WIPF2: variants seen among roughly 807,000 people sequenced by gnomAD.
The protein encoded by WIPF2 is WAS/WASL interacting protein family member 2.
Under a neutral mutation model 38.8 loss-of-function variants are expected in WIPF2, and 23 were observed. The observed-to-expected ratio is 0.59, with a 90% CI of 0.43 to 0.84. WIPF2 has a LOEUF of 0.84. Ranked by LOEUF, WIPF2 falls within the 40% of genes least tolerant of loss-of-function variation. The pLI is 0.00. For synonymous variants in WIPF2, 210 were observed against 223.2 expected (o/e 0.94, Z 0.53); for missense variants, 574 against 580.5 (o/e 0.99, Z 0.11).
rs1567729567 is a variant in WIPF2 at position 40,282,443 on chromosome 17, A to G, written c.*4218A>G. On this transcript the variant is annotated 3_prime_UTR_variant, in exon 8 of 8. Transcript: ENST00000323571. ...ACACTGAATAAATGACTAGAATGAC[A>G]CGTGTGCGTGCGCACGCGTGTGCGT... The G allele has an allele frequency of 6.6e-6, 1 of 152,060 alleles. No homozygotes were observed. The highest frequency in any genetic ancestry group is 1.9e-4 in the East Asian group (1 of 5,200). 9.4% of individuals were successfully genotyped at this position (152,060 alleles called of 1,614,324 possible).
chr17:40,264,588 A>G lies in WIPF2; in HGVS notation c.412A>G (p.Thr138Ala). ...CGCCAGCGGGCGTCCTCAGGATGAT[A>G]CAGACAGCAGCCGGGCCTCACTCCC... ...SAASGRPQDD[T>A]DSSRASLPEL... is the part of the protein sequence containing the mutation. Residue 138 changes from threonine to alanine, a missense_variant, in exon 5 of 8, where the codon ACA becomes GCA. Physicochemically the swap from Thr to Ala is moderately conservative, Grantham distance 58. Transcript: ENST00000323571. 2.5e-6 allele frequency: 4 copies of G among 1,614,108 alleles called. No individual in the cohort carries two copies. Among genetic ancestry groups the G allele is most frequent in the Non-Finnish European group, 3.4e-6 (4 of 1,180,026 alleles).
chr17:40,274,564 A>G (rs1292333654), intron 6 of WIPF2, among the ~76,000 whole-genome samples: 7,452 of 129,294 alleles, frequency 0.058, 138 homozygotes, highest in East Asian at 0.15. Flanking sequence ...CTTGAAAAAA[A>G]AAAAAAAAAA....
chr17:40,248,165 T>C (rs1385120206), intron 1 of WIPF2, among the ~76,000 whole-genome samples: 1 of 98,252 alleles, frequency 1.0e-5, no homozygotes, highest in African/African-American at 4.2e-5. Context: ...AGTTATTTCT[T>C]TTTTTTTTTT....
chr17:40,245,527 G>C (rs2031335274), intron 1 of WIPF2, among the ~76,000 whole-genome samples: 1 of 151,892 alleles, frequency 6.6e-6, no homozygotes, highest in South Asian at 2.1e-4. Context: ...ATTTTTAGTA[G>C]AGACAGGGTT....
chr17:40,259,195 T>C (rs1327229584), intron 2 of WIPF2, among the ~76,000 whole-genome samples: 1 of 151,252 alleles, frequency 6.6e-6, no homozygotes, highest in Non-Finnish European at 1.5e-5. Context: ...TGCTGATTTT[T>C]AGGAAAGCAT....
At chr17:40,232,453 G>T (rs977110960) in intron 1 of WIPF2, among the ~76,000 whole-genome samples, 28 of 150,428 alleles carry the variant, frequency 1.9e-4, no homozygotes, top group African/African-American at 6.8e-4. Flanking sequence ...GCCTCCCAAA[G>T]TGCTGGGATT....
intron 1 of WIPF2, among the ~76,000 whole-genome samples, chr17:40,230,822 A>T (rs2030709951): frequency 6.6e-6 from 1 of 152,146 alleles, no homozygotes; most frequent in African/African-American, 2.4e-5. Flanking sequence ...GAGAGAACAG[A>T]TGTTCTTTTA....
rs113078655 is a variant in WIPF2, at chr17:40,281,191, C to T, written c.*2966C>T. On this transcript the variant is annotated 3_prime_UTR_variant, in exon 8 of 8. Transcript: ENST00000323571. ...CCCAGTCCCATTAACTCCCTTGTCC[C>T]CCCACAGAAGGAAGAGACATTGCCC... 1 of 152,082 alleles carries T rather than the reference C, an allele frequency of 6.6e-6. No individual in the cohort carries two copies. Among genetic ancestry groups the T allele is most frequent in the Admixed American group, 6.6e-5 (1 of 15,252 alleles). The allele number at this position is 152,082 out of a possible 1,614,324, so 9.4% of individuals were successfully genotyped here. A position where few individuals can be genotyped will look rare whatever the true frequency, so the allele number is the denominator to read the frequency against.
chr17:40,260,628 G>T lies in WIPF2; in HGVS notation c.157G>T (p.Val53Leu), dbSNP rs766327420. The T allele has an allele frequency of 1.1e-5, 17 of 1,613,728 alleles. No individual in the cohort carries two copies. The highest frequency in any genetic ancestry group is 1.4e-5 in the Non-Finnish European group (17 of 1,179,992). Residue 53 changes from valine (V) to leucine (L), a missense_variant, in exon 3 of 8, where the codon GTG (valine) becomes TTG (leucine). Physicochemically the swap from Val to Leu is conservative, Grantham distance 32. Coordinates refer to ENST00000323571, the MANE Select transcript of WIPF2 (RefSeq NM_133264.5). The stretch of plus-strand genomic sequence containing the variant: ...TTGCAAAGGGACCAAGCTGAAGAAG[G>T]TGACCAACATTAATGATCGGAGTGC... ...DICKGTKLKKVTNINDRSAPI... is the reference protein window; with the variant it reads ...DICKGTKLKKLTNINDRSAPI...
At chr17:40,277,849 C>A (rs2032454232) in intron 7 of WIPF2, among the ~76,000 whole-genome samples, 2 of 151,398 alleles carry the variant, frequency 1.3e-5, no homozygotes, top group African/African-American at 4.9e-5. Flanking sequence ...GCTTAAGCCT[C>A]CCAAGTATCT....
chr17:40,234,448 C>A (rs1003212360), intron 1 of WIPF2, among the ~76,000 whole-genome samples: 80 of 149,478 alleles, frequency 5.4e-4, no homozygotes, highest in African/African-American at 1.9e-3. Flanking sequence ...AACAAACAAA[C>A]AAACAAAAAA....
chr17:40,271,803 A>T (rs546165255), intron 5 of WIPF2, among the ~76,000 whole-genome samples: 51 of 152,310 alleles, frequency 3.3e-4, no homozygotes, highest in African/African-American at 9.9e-4. Flanking sequence ...GGAACATAAT[A>T]GATACCCAAT....
At chr17:40,260,076 A>C (rs375778295) in intron 2 of WIPF2, among the ~76,000 whole-genome samples, 1 of 151,546 alleles carries the variant, frequency 6.6e-6, no homozygotes, top group East Asian at 1.9e-4. Context: ...GATAATGCAC[A>C]TTGATATTGC....
At chr17:40,270,496 A>G (rs976403944) in intron 5 of WIPF2, among the ~76,000 whole-genome samples, 2 of 151,952 alleles carry the variant, frequency 1.3e-5, no homozygotes, top group African/African-American at 2.4e-5. Context: ...ACCCTGCTCT[A>G]TTTTGCCATT....
intron 1 of WIPF2, chr17:40,220,595 A>ATATATATATATATATATATG (rs2030162719): frequency 9.1e-5 from 7 of 77,034 alleles, no homozygotes; most frequent in East Asian, 1.2e-3. Context: ...ATATATATAT[A>ATATATATATATATATATATG]TATATATATA....
In WIPF2 at chr17:40,219,380, C is replaced by A; in HGVS notation, c.-182C>A. The A allele has an allele frequency of 2.5e-6, 1 of 404,110 alleles. No homozygotes were observed. 25.0% of individuals were successfully genotyped at this position (404,110 alleles called of 1,614,324 possible). A position where few individuals can be genotyped will look rare whatever the true frequency, so the allele number is the denominator to read the frequency against. On this transcript the variant is annotated 5_prime_UTR_variant, in exon 1 of 8. Transcript: ENST00000323571. Reference sequence around the variant, plus strand: ...GCAAAAGGGGCGGTGGCGGCGGCGGCGGCGGCGGCGGCGGCGGCGACGGCG... The same window carrying A: ...GCAAAAGGGGCGGTGGCGGCGGCGGAGGCGGCGGCGGCGGCGGCGACGGCG...
At chr17:40,270,113 C>A (rs1450226748) in intron 5 of WIPF2, among the ~76,000 whole-genome samples, 2 of 151,362 alleles carry the variant, frequency 1.3e-5, no homozygotes, top group African/African-American at 4.8e-5. Context: ...TGCCTGTAAT[C>A]CCAGCACTTT....
intron 1 of WIPF2, among the ~76,000 whole-genome samples, chr17:40,226,229 A>C (rs2030480610): frequency 1.4e-5 from 2 of 141,774 alleles, no homozygotes; most frequent in South Asian, 4.4e-4. Flanking sequence ...TTTGAGATGG[A>C]GTCTCGTTCT....
At chr17:40,275,569 AT>A (rs59930266) in intron 6 of WIPF2, among the ~76,000 whole-genome samples, 22,017 of 147,240 alleles carry the variant, frequency 0.15, 1,670 homozygotes, top group East Asian at 0.3. Context: ...AACACTCTAG[AT>A]TTTTTTTTTT....
Sources: allele counts gnomAD v4.1 joint callset (sites outside exome capture counted in the v4.1 genomes callset), GRCh38; gene constraint gnomAD v4.1.1; transcripts MANE v1.5; gene names NCBI Gene and HGNC (gene_info 2026-07-23, HGNC 2026-07-21).